Variants in STXBP4 observed in about 807,000 individuals in gnomAD.
STXBP4 encodes syntaxin-binding protein 4.
In STXBP4, 55 loss-of-function variants were observed where a neutral mutation model predicts 76.1. That is an observed-to-expected ratio of 0.72 (90% confidence interval 0.58 to 0.91). The LOEUF (loss-of-function observed/expected upper bound fraction) is 0.91, where lower values mean the gene tolerates loss of function less well. Among genes scored for constraint, STXBP4 ranks in the 40% least tolerant of loss-of-function variants. The probability of loss-of-function intolerance (pLI) is 0.00; values close to 1 mark genes in which losing one functional copy is unlikely to be tolerated. For synonymous variants in STXBP4, 201 were observed against 220.2 expected, an observed-to-expected ratio of 0.91 and a Z score of 0.77; for missense variants, 618 against 636.9, an observed-to-expected ratio of 0.97 and a Z score of 0.32.
chr17:55,189,894 C>T, the STXBP4 span, among the ~76,000 whole-genome samples: 1 of 152,164 alleles, frequency 6.6e-6, no homozygotes, highest in Non-Finnish European at 1.5e-5. Context: ...ATGCCACTTA[C>T]CTTCTGAACA....
intron 16 of STXBP4, among the ~76,000 whole-genome samples, chr17:55,130,979 T>C (rs900808477): frequency 2.6e-5 from 4 of 152,210 alleles, no homozygotes; most frequent in Non-Finnish European, 5.9e-5. Context: ...GTAACTAACA[T>C]GGGCATTCAG....
At position 55,166,438 on chromosome 17, in the gene STXBP4, C is replaced by T. The variant is rs1246950499; in HGVS notation, c.*6527C>T. The T allele has an allele frequency of 6.6e-6, 1 of 152,206 alleles. No homozygotes were observed. Among genetic ancestry groups the T allele is most frequent in the Non-Finnish European group, 1.5e-5 (1 of 68,052 alleles). 9.4% of individuals were successfully genotyped at this position (152,206 alleles called of 1,614,324 possible). A position where few individuals can be genotyped will look rare whatever the true frequency, so the allele number is the denominator to read the frequency against. ...TTGCTTCTATTCCTCCCTTGCTAGTCTTCAGTAGTTCCCTAGCACCTTCTA... is the reference window on the plus strand; with the variant it reads ...TTGCTTCTATTCCTCCCTTGCTAGTTTTCAGTAGTTCCCTAGCACCTTCTA... On this transcript the variant is annotated 3_prime_UTR_variant, in exon 18 of 18. Transcript: ENST00000376352.
intron 16 of STXBP4, among the ~76,000 whole-genome samples, chr17:55,110,109 C>T (rs564075403): frequency 2.4e-4 from 37 of 152,332 alleles, no homozygotes; most frequent in African/African-American, 8.4e-4. Context: ...AGGCTGCCCA[C>T]ATTACTTGAC....
Position 55,149,001 on chromosome 17 carries a change from A to G in STXBP4, c.1547+7634A>G, listed in dbSNP as rs1300133584. Among the ~76,000 whole-genome samples the G allele has an allele frequency of 2.0e-5, 3 of 152,218 alleles. No individual in the cohort carries two copies. The East Asian group carries it at 5.8e-4, about 29-fold the overall frequency. On this transcript the variant is annotated intron_variant, in intron 17 of 17. Coordinates refer to ENST00000376352, the MANE Select transcript of STXBP4 (RefSeq NM_178509.6). ...CAATTTCTATGCAACTTCAGACTAGATAAGGAGAATATGTGTAGGCTCCTC... is the reference window on the plus strand; with the variant it reads ...CAATTTCTATGCAACTTCAGACTAGGTAAGGAGAATATGTGTAGGCTCCTC...
chr17:55,015,419 G>C (rs1014969657), intron 8 of STXBP4, among the ~76,000 whole-genome samples: 1 of 152,098 alleles, frequency 6.6e-6, no homozygotes, highest in Admixed American at 6.5e-5. Flanking sequence ...CCAAACTCTT[G>C]GGCTGCAGTT....
the STXBP4 span, among the ~76,000 whole-genome samples, chr17:55,201,084 C>T: frequency 6.6e-6 from 1 of 152,144 alleles, no homozygotes; most frequent in Non-Finnish European, 1.5e-5. Flanking sequence ...CATTCACTGT[C>T]ATTTCCCCAT....
At chr17:55,054,976 A>G (rs1417647464) in intron 12 of STXBP4, among the ~76,000 whole-genome samples, 1 of 152,158 alleles carries the variant, frequency 6.6e-6, no homozygotes, top group Admixed American at 6.5e-5. Context: ...TGTGGTCAAA[A>G]TAAACCTTTT....
the STXBP4 span, among the ~76,000 whole-genome samples, chr17:55,205,733 T>C: frequency 6.6e-6 from 1 of 152,118 alleles, no homozygotes; most frequent in South Asian, 2.1e-4. Context: ...TATTTATATA[T>C]ATTTTTGGCA....
chr17:55,013,741 A>G (rs1380184105), intron 8 of STXBP4, among the ~76,000 whole-genome samples: 1 of 152,222 alleles, frequency 6.6e-6, no homozygotes, highest in African/African-American at 2.4e-5. Flanking sequence ...GTGTCCAGGT[A>G]TGATAACTGA....
At chr17:55,007,284 A>C (rs974184928) in intron 7 of STXBP4, among the ~76,000 whole-genome samples, 16 of 152,004 alleles carry the variant, frequency 1.1e-4, no homozygotes, top group African/African-American at 3.9e-4. Context: ...CATTGAGCCA[A>C]GATCGTGCTA....
Position 54,999,420 on chromosome 17 carries a change from G to A in STXBP4, c.256G>A (p.Ala86Thr). 6.2e-7 allele frequency: 1 copy of A among 1,612,468 alleles called. No homozygotes were observed. Among genetic ancestry groups the A allele is most frequent in the Non-Finnish European group, 8.5e-7 (1 of 1,179,474 alleles). ...ESMIGVSFEE[A>T]KSIITGAKLR... ...TATGATTGGTGTATCATTTGAAGAA[G>A]CAAAAAGCATAATTACCGGAGCCAA... The change falls in exon 5 of 18, where the codon GCA becomes ACA. Residue 86 changes from alanine (A) to threonine (T), a missense_variant. Physicochemically the swap from Ala to Thr is moderately conservative, Grantham distance 58 (BLOSUM62 0). Coordinates refer to ENST00000376352, the MANE Select transcript of STXBP4 (RefSeq NM_178509.6).
chr17:55,045,511 G>C (rs1357000884), intron 11 of STXBP4, among the ~76,000 whole-genome samples: 1 of 151,806 alleles, frequency 6.6e-6, no homozygotes, highest in African/African-American at 2.4e-5. Flanking sequence ...TGATATATTT[G>C]ATTTTATTTT....
At chr17:55,179,926 G>A in the STXBP4 span, among the ~76,000 whole-genome samples, 1 of 152,072 alleles carries the variant, frequency 6.6e-6, no homozygotes, top group Non-Finnish European at 1.5e-5. Flanking sequence ...TCATTCAAGG[G>A]TCAACTGTAT....
chr17:55,127,508 T>A (rs1307942199), intron 16 of STXBP4, among the ~76,000 whole-genome samples: 1 of 152,192 alleles, frequency 6.6e-6, no homozygotes, highest in African/African-American at 2.4e-5. Flanking sequence ...TGGATTTAAA[T>A]GATTAAATTT....
At chr17:55,136,624 A>T (rs991007098) in intron 16 of STXBP4, among the ~76,000 whole-genome samples, 6 of 152,086 alleles carry the variant, frequency 3.9e-5, no homozygotes, top group African/African-American at 1.4e-4. Flanking sequence ...AGCTCGAAAT[A>T]GGCATAGTAT....
At chr17:55,144,213 T>A (rs921789649) in intron 17 of STXBP4, among the ~76,000 whole-genome samples, 2 of 152,178 alleles carry the variant, frequency 1.3e-5, no homozygotes, top group Admixed American at 1.3e-4. Flanking sequence ...TTCCAGAGAT[T>A]AAAAAAGTCA....
intron 12 of STXBP4, among the ~76,000 whole-genome samples, chr17:55,054,942 T>G (rs2078905851): frequency 6.6e-6 from 1 of 152,138 alleles, no homozygotes. Flanking sequence ...AATCATGGCA[T>G]AAAAGGGGAA....
chr17:54,969,332 T>G (rs986914496), intron 1 of STXBP4, among the ~76,000 whole-genome samples: 1 of 152,234 alleles, frequency 6.6e-6, no homozygotes, highest in African/African-American at 2.4e-5. Flanking sequence ...AATAGCTTTC[T>G]TCAGTTGTCC....
At chr17:55,151,108 CCAGAA>C (rs1049519326) in intron 17 of STXBP4, among the ~76,000 whole-genome samples, 5 of 152,264 alleles carry the variant, frequency 3.3e-5, no homozygotes, top group Admixed American at 6.5e-5. Context: ...TCTAGAGCCT[CCAGAA>C]CAATAAGACC....
Sources: allele counts gnomAD v4.1 joint callset (sites outside exome capture counted in the v4.1 genomes callset), GRCh38; gene constraint gnomAD v4.1.1; transcripts MANE v1.5; gene names NCBI Gene and HGNC (gene_info 2026-07-23, HGNC 2026-07-21).